The following NRG3 variants were observed in gnomAD, a reference collection of about 807,000 sequenced individuals.
NRG3 encodes the protein pro-neuregulin-3, membrane-bound isoform.
NRG3 carries 31 observed loss-of-function variants against 66.9 expected under a neutral mutation model. The ratio of observed to expected loss-of-function variants is 0.46; its 90% CI spans 0.35 to 0.63. The LOEUF (loss-of-function observed/expected upper bound fraction) is 0.63, where lower values mean the gene tolerates loss of function less well. NRG3 is among the 20% of genes least tolerant of loss of function. NRG3 has a pLI of 0.00. For missense variants in NRG3, 910 were observed against 878.9 expected, an observed-to-expected ratio of 1.04 and a Z score of -0.45; for synonymous variants, 393 against 359.4, an observed-to-expected ratio of 1.09 and a Z score of -1.06.
chr10:82,529,280 T>C (rs1847029007), intron 2 of NRG3, among the ~76,000 whole-genome samples: 1 of 152,200 alleles, frequency 6.6e-6, no homozygotes, highest in Admixed American at 6.6e-5. Context: ...AGCAACCACT[T>C]GGTGTACCAG....
chr10:82,815,226 G>A (rs902893320), intron 3 of NRG3, among the ~76,000 whole-genome samples: 16 of 152,096 alleles, frequency 1.1e-4, no homozygotes, highest in African/African-American at 3.9e-4. Flanking sequence ...AAAATGTCCA[G>A]GTACTTTTTG....
intron 1 of NRG3, among the ~76,000 whole-genome samples, chr10:82,344,065 C>CT (rs143442963): frequency 0.13 from 18,556 of 147,824 alleles, 1,538 homozygotes; most frequent in East Asian, 0.27. Context: ...TTTTTTCTTT[C>CT]TTTTTTTTTT....
intron 1 of NRG3, among the ~76,000 whole-genome samples, chr10:81,950,229 C>T (rs910122985): frequency 3.3e-5 from 5 of 152,258 alleles, no homozygotes; most frequent in Admixed American, 1.3e-4. Flanking sequence ...TCATATCTAA[C>T]AGTCATTGTG....
intron 1 of NRG3, among the ~76,000 whole-genome samples, chr10:82,201,336 A>T (rs1423703457): frequency 6.6e-6 from 1 of 152,060 alleles, no homozygotes; most frequent in East Asian, 1.9e-4. Flanking sequence ...TTTAGCCAAC[A>T]GTTCTTTGGT....
intron 1 of NRG3, chr10:82,166,869 T>C: frequency 3.2e-6 from 2 of 623,626 alleles, no homozygotes; most frequent in Non-Finnish European, 5.9e-6. Flanking sequence ...TACTGAAAGG[T>C]ATTTTTTTCT....
chr10:82,206,513 T>C (rs1162675791), intron 1 of NRG3, among the ~76,000 whole-genome samples: 2 of 152,168 alleles, frequency 1.3e-5, no homozygotes, highest in African/African-American at 4.8e-5. Context: ...GCAGGAATAG[T>C]AGTGTTATCT....
intron 2 of NRG3, among the ~76,000 whole-genome samples, chr10:82,619,783 T>A (rs751446708): frequency 1.1e-4 from 17 of 152,108 alleles, no homozygotes; most frequent in Non-Finnish European, 2.1e-4. Context: ...AGAGGAAGGA[T>A]CGTGTGAAGA....
At chr10:82,418,208 G>A (rs2088728616) in intron 2 of NRG3, among the ~76,000 whole-genome samples, 1 of 152,140 alleles carries the variant, frequency 6.6e-6, no homozygotes, top group Non-Finnish European at 1.5e-5. Flanking sequence ...TTCTCTCCAG[G>A]TGGGGACTGA....
intron 2 of NRG3, among the ~76,000 whole-genome samples, chr10:82,633,415 G>A (rs2049978702): frequency 2.0e-5 from 3 of 152,184 alleles, no homozygotes; most frequent in Admixed American, 2.0e-4. Flanking sequence ...GTACGACACA[G>A]TCACAAATCA....
intron 1 of NRG3, among the ~76,000 whole-genome samples, chr10:82,188,000 A>C (rs1427417359): frequency 6.6e-6 from 1 of 152,140 alleles, no homozygotes; most frequent in Non-Finnish European, 1.5e-5. Context: ...ACAAAAGAGA[A>C]TAGCTAAAGC....
chr10:82,280,723 T>G (rs2079079909), intron 1 of NRG3, among the ~76,000 whole-genome samples: 1 of 152,220 alleles, frequency 6.6e-6, no homozygotes, highest in African/African-American at 2.4e-5. Flanking sequence ...TCACTCATCC[T>G]GCATATCCTC....
intron 3 of NRG3, among the ~76,000 whole-genome samples, chr10:82,802,055 A>T (rs1412575547): frequency 6.6e-6 from 1 of 152,226 alleles, no homozygotes; most frequent in African/African-American, 2.4e-5. Flanking sequence ...TTCAAATAGC[A>T]TGTGAAAAAC....
At chr10:82,132,459 G>GATAT (rs373049031) in intron 1 of NRG3, among the ~76,000 whole-genome samples, 6 of 110,664 alleles carry the variant, frequency 5.4e-5, no homozygotes, top group African/African-American at 1.6e-4. Context: ...ATATATATAT[G>GATAT]ATATATATGA....
rs2053206134 is a variant in NRG3, at chr10:82,670,751, A to G, written c.954-67826A>G. Among the ~76,000 whole-genome samples, 5 of 152,220 alleles carry G rather than the reference A, an allele frequency of 3.3e-5. No homozygotes were observed. In the South Asian group the frequency reaches 1.0e-3, roughly 32 times the overall value. ...AAAAAACAAAACAAAACAAAACAAA[A>G]ACACAAATTTACAAGCAGAGAGAAT... On this transcript the variant is annotated intron_variant, in intron 2 of 8. Coordinates refer to ENST00000372141, the MANE Select transcript of NRG3 (RefSeq NM_001010848.4).
intron 2 of NRG3, among the ~76,000 whole-genome samples, chr10:82,446,120 C>G (rs2090707936): frequency 6.6e-6 from 1 of 152,100 alleles, no homozygotes; most frequent in Admixed American, 6.6e-5. Flanking sequence ...TCAGAATATC[C>G]AAGGAAACTC....
intron 1 of NRG3, among the ~76,000 whole-genome samples, chr10:82,182,191 C>G (rs2133236553): frequency 6.8e-6 from 1 of 147,524 alleles, no homozygotes; most frequent in South Asian, 2.2e-4. Flanking sequence ...TCTTTTTAAT[C>G]TACTCTGCCA....
chr10:82,937,432 G>A (rs1848184652), intron 4 of NRG3, among the ~76,000 whole-genome samples: 1 of 152,186 alleles, frequency 6.6e-6, no homozygotes, highest in Non-Finnish European at 1.5e-5. Context: ...GAACAGATCT[G>A]TGCTTTCCGA....
chr10:82,612,114 TG>T (rs1482600398), intron 2 of NRG3, among the ~76,000 whole-genome samples: 30 of 152,306 alleles, frequency 2.0e-4, no homozygotes, highest in African/African-American at 6.7e-4. Context: ...TTGATGGGGT[TG>T]TTTTTTTCTT....
At chr10:82,024,581 TG>T (rs778207491) in intron 1 of NRG3, among the ~76,000 whole-genome samples, 39 of 152,126 alleles carry the variant, frequency 2.6e-4, no homozygotes, top group Admixed American at 7.2e-4. Context: ...TATGTATAAG[TG>T]GGTTAACCGA....
Sources: allele counts gnomAD v4.1 joint callset (sites outside exome capture counted in the v4.1 genomes callset), GRCh38; gene constraint gnomAD v4.1.1; transcripts MANE v1.5; gene names NCBI Gene and HGNC (gene_info 2026-07-23, HGNC 2026-07-21).